The following LHCGR variants were observed in gnomAD, a reference collection of about 807,000 sequenced individuals.
LHCGR encodes the protein lutropin-choriogonadotropic hormone receptor.
LHCGR carries 55 observed loss-of-function variants against 60.7 expected under a neutral mutation model. The observed-to-expected ratio is 0.91, with a 90% confidence interval of 0.73 to 1.13. The LOEUF (loss-of-function observed/expected upper bound fraction) is 1.13. LHCGR is among the 50% of genes most tolerant of loss of function. The probability of loss-of-function intolerance (pLI) is 0.00; values close to 1 mark genes in which losing one functional copy is unlikely to be tolerated. For missense variants in LHCGR, 862 were observed against 836.0 expected, an observed-to-expected ratio of 1.03 and a Z score of -0.38; for synonymous variants, 337 against 316.5, an observed-to-expected ratio of 1.06 and a Z score of -0.69.
intron 1 of LHCGR, among the ~76,000 whole-genome samples, chr2:48,736,049 G>C (rs960047318): frequency 4.6e-5 from 7 of 152,032 alleles, no homozygotes. Context: ...CTTCCCTTTT[G>C]CCTTCTGCCA....
intron 9 of LHCGR, among the ~76,000 whole-genome samples, chr2:48,697,129 G>GT (rs1247730916): frequency 6.6e-6 from 1 of 152,144 alleles, no homozygotes; most frequent in East Asian, 1.9e-4. Context: ...ATGTGTCCAT[G>GT]TTTCAATTTT....
At chr2:48,729,069 A>G in intron 3 of LHCGR, 84 bp downstream of exon 3, 1 of 1,047,494 alleles carries the variant, frequency 9.5e-7, no homozygotes, top group South Asian at 1.3e-5. Context: ...CTAGCAGTGG[A>G]TGCTTGAATA....
chr2:48,730,530 A>G (rs1378128091), intron 2 of LHCGR, among the ~76,000 whole-genome samples: 1 of 152,214 alleles, frequency 6.6e-6, no homozygotes, highest in Non-Finnish European at 1.5e-5. Context: ...CTGCTTCCAA[A>G]GTCCAGTGGA....
intron 6 of LHCGR, among the ~76,000 whole-genome samples, chr2:48,716,229 G>C (rs1668244406): frequency 6.6e-6 from 1 of 152,122 alleles, no homozygotes; most frequent in African/African-American, 2.4e-5. Flanking sequence ...GATACAAGGA[G>C]CTTAACTTTA....
At chr2:48,751,072 G>C (rs960303153) in intron 1 of LHCGR, among the ~76,000 whole-genome samples, 12 of 152,284 alleles carry the variant, frequency 7.9e-5, no homozygotes, top group Non-Finnish European at 1.6e-4. Flanking sequence ...GTAAGCCCAG[G>C]ATATTGAAGT....
Position 48,688,913 on chromosome 2 carries a change from T to A in LHCGR, c.948-64A>T. ...TCTGAGTATTAAAAAATTCAAGAAT[T>A]ATGTTTCTTTAAAGGCAAAGAAACA... On this transcript the variant is annotated intron_variant, in intron 10 of 10. Coordinates refer to ENST00000294954, the MANE Select transcript of LHCGR (RefSeq NM_000233.4). The surrounding 1 kb of genome is among the most constrained non-coding windows in gnomAD (Gnocchi z 5.2). The A allele has an allele frequency of 6.8e-7, 1 of 1,464,396 alleles. No individual in the cohort carries two copies. The highest frequency in any genetic ancestry group is 9.5e-7 in the Non-Finnish European group (1 of 1,050,602). The allele number at this position is 1,464,396 out of a possible 1,614,324, so 90.7% of individuals were successfully genotyped here.
chr2:48,748,322 T>C (rs934579944), intron 1 of LHCGR, among the ~76,000 whole-genome samples: 2 of 152,128 alleles, frequency 1.3e-5, no homozygotes, highest in Admixed American at 6.5e-5. Flanking sequence ...GCTTTCTGTG[T>C]GTCCAGTCTG....
intron 1 of LHCGR, among the ~76,000 whole-genome samples, chr2:48,742,465 A>G (rs1460093792): frequency 4.6e-5 from 7 of 151,588 alleles, no homozygotes; most frequent in Admixed American, 4.6e-4. Context: ...CAGCAAATGT[A>G]AAAGAACAGA....
At chr2:48,696,773 A>G (rs1667134277) in intron 9 of LHCGR, among the ~76,000 whole-genome samples, 1 of 152,194 alleles carries the variant, frequency 6.6e-6, no homozygotes, top group Admixed American at 6.5e-5. Flanking sequence ...TCCTTGCAGG[A>G]ATACTTTGTC....
chr2:48,701,157 G>C (rs1667389273), intron 8 of LHCGR, among the ~76,000 whole-genome samples: 1 of 152,162 alleles, frequency 6.6e-6, no homozygotes, highest in South Asian at 2.1e-4. Context: ...GAAGTAGACA[G>C]ACTTTGGGTT....
intron 1 of LHCGR, among the ~76,000 whole-genome samples, chr2:48,732,073 T>C (rs1448411238): frequency 6.6e-6 from 1 of 152,142 alleles, no homozygotes; most frequent in African/African-American, 2.4e-5. Context: ...GTACTTAAGA[T>C]TTGAGAAAAG....
At chr2:48,729,115 A>G in intron 3 of LHCGR, 38 bp downstream of exon 3, 1 of 1,446,794 alleles carries the variant, frequency 6.9e-7, no homozygotes, top group Non-Finnish European at 9.7e-7. Flanking sequence ...TGAGGGTAAT[A>G]GTGTACAGCA....
At chr2:48,713,207 A>T (rs1159914770) in intron 7 of LHCGR, among the ~76,000 whole-genome samples, 1 of 123,328 alleles carries the variant, frequency 8.1e-6, no homozygotes, top group Non-Finnish European at 1.7e-5. Flanking sequence ...ATCATGGTTT[A>T]TACAACTTAT....
chr2:48,699,109 C>A (rs966576190), intron 8 of LHCGR, among the ~76,000 whole-genome samples: 1 of 152,170 alleles, frequency 6.6e-6, no homozygotes, highest in Non-Finnish European at 1.5e-5. Flanking sequence ...CAGGCATGAG[C>A]CACTGCGCCC....
At chr2:48,691,896 C>A (rs1038572013) in intron 10 of LHCGR, among the ~76,000 whole-genome samples, 1 of 150,312 alleles carries the variant, frequency 6.7e-6, no homozygotes, top group East Asian at 2.0e-4. Flanking sequence ...TGAATCCTTT[C>A]ATTTTATTGG....
chr2:48,742,871 A>G (rs1669526088), intron 1 of LHCGR, among the ~76,000 whole-genome samples: 2 of 152,284 alleles, frequency 1.3e-5, no homozygotes, highest in South Asian at 4.1e-4. Flanking sequence ...ATAGAGACAC[A>G]AAAAACCCTT....
chr2:48,729,312 C>G (rs1356829801), intron 2 of LHCGR, 85 bp from the exon 3 acceptor site: 4 of 1,035,672 alleles, frequency 3.9e-6, no homozygotes, highest in Non-Finnish European at 6.0e-6. Flanking sequence ...GTGTGTGACC[C>G]AACAACTGGG....
In LHCGR at chr2:48,718,414, T is replaced by C. The variant is rs184978311; in HGVS notation, c.537-4360A>G. On this transcript the variant is annotated intron_variant, in intron 6 of 10. Coordinates refer to ENST00000294954, the MANE Select transcript of LHCGR (RefSeq NM_000233.4). Reference sequence around the variant, plus strand: ...TGGGGCTCTAAAAGCACTTCTGGGATTCTAATATTAACAGTATTAGACATT... The same window carrying C: ...TGGGGCTCTAAAAGCACTTCTGGGACTCTAATATTAACAGTATTAGACATT... Among the ~76,000 whole-genome samples the C allele has an allele frequency of 1.1e-3, 160 of 152,326 alleles. 1 individual carries two copies. The highest frequency in any genetic ancestry group is 3.7e-3 in the African/African-American group (153 of 41,584).
intron 1 of LHCGR, chr2:48,733,003 A>C: frequency 1.9e-6 from 1 of 530,352 alleles, no homozygotes; most frequent in East Asian, 5.5e-5. Context: ...TTTGCTTCCT[A>C]TATTTCTTCT....
Sources: gnomAD v4.1 joint callset for allele counts (sites outside exome capture counted in the v4.1 genomes callset) on GRCh38, gnomAD v4.1.1 for gene constraint, Gnocchi (gnomAD v3.1) non-coding constraint, MANE v1.5 for transcripts, NCBI Gene and HGNC (gene_info 2026-07-23, HGNC 2026-07-21) for gene names.